Variants in PAXBP1 observed in about 807,000 individuals in gnomAD.
PAXBP1 encodes the protein PAX3 and PAX7 binding protein 1, also known as PAX3- and PAX7-binding protein 1.
PAXBP1 carries 44 observed loss-of-function variants against 119.9 expected under a neutral mutation model. The ratio of observed to expected loss-of-function variants is 0.37; its 90% CI spans 0.29 to 0.47. The LOEUF (loss-of-function observed/expected upper bound fraction) is 0.47. Ranked by LOEUF, PAXBP1 falls within the 20% of genes least tolerant of loss-of-function variation. The probability of loss-of-function intolerance (pLI) is 0.99; values close to 1 mark genes in which losing one functional copy is unlikely to be tolerated. For synonymous variants in PAXBP1, 393 were observed against 406.6 expected (o/e 0.97, Z 0.40); for missense variants, 898 against 1,134.1 (o/e 0.79, Z 2.99).
At chr21:32,740,253 T>TG (rs904007103) in intron 15 of PAXBP1, among the ~76,000 whole-genome samples, 21 of 152,264 alleles carry the variant, frequency 1.4e-4, no homozygotes, top group Non-Finnish European at 2.2e-4. Context: ...AAGTCCCCAA[T>TG]GGGGGGGCCT....
At chr21:32,750,846 T>A (rs1451991511) in intron 10 of PAXBP1, 71 bp downstream of exon 10, 1 of 1,137,574 alleles carries the variant, frequency 8.8e-7, no homozygotes, top group South Asian at 1.4e-5. Flanking sequence ...TTCAAATCAT[T>A]TCATGGTAAA....
chr21:32,763,482 C>T (rs1267827864), intron 3 of PAXBP1, among the ~76,000 whole-genome samples: 1 of 152,180 alleles, frequency 6.6e-6, no homozygotes, highest in East Asian at 1.9e-4. Context: ...CAGACTGCCA[C>T]TAGTGATGTA....
rs1268579207 is a variant in PAXBP1 at position 32,762,321 on chromosome 21, G to T, written c.650-4C>A. 1.4e-5 allele frequency: 23 copies of T among 1,611,726 alleles called. No individual in the cohort carries two copies. The highest frequency in any genetic ancestry group is 2.0e-5 in the Non-Finnish European group (23 of 1,178,646). On this transcript the variant is annotated splice_polypyrimidine_tract_variant and splice_region_variant and intron_variant, in intron 3 of 17. Transcript: ENST00000331923. Reference sequence around the variant, plus strand: ...AAAGCTGCATCTGGAATTTCTCCTAGAAACAAATGGTAAGAATATGGCAGT... The same window carrying T: ...AAAGCTGCATCTGGAATTTCTCCTATAAACAAATGGTAAGAATATGGCAGT...
chr21:32,759,801 A>G lies in PAXBP1; in HGVS notation c.1169T>C (p.Leu390Ser), dbSNP rs2044107168. ...SNEMTPVTID[L>S]VKKQLKDRLD... is the part of the protein sequence containing the mutation. ...CCTGTCTTTAAGCTGTTTCTTTACC[A>G]AATCAATAGTAACGGGAGTCATCTC... is the stretch of plus-strand genomic sequence containing the variant. Residue 390 changes from leucine (L) to serine (S), a missense_variant, in exon 6 of 18, where the codon TTG (leucine) becomes TCG (serine). By Grantham distance (145) the Leu-to-Ser change is moderately radical. Around this residue, in one of 2 missense-constraint regions of PAXBP1, gnomAD observed 599 missense variants for 852.7 expected, o/e 0.70. Coordinates refer to ENST00000331923, the MANE Select transcript of PAXBP1 (RefSeq NM_016631.4). 1 of 1,613,850 alleles carries G rather than the reference A, an allele frequency of 6.2e-7. No homozygotes were observed. Among genetic ancestry groups the G allele is most frequent in the African/African-American group, 1.3e-5 (1 of 74,926 alleles).
At chr21:32,760,814 T>C (rs886892912) in intron 5 of PAXBP1, among the ~76,000 whole-genome samples, 2 of 151,816 alleles carry the variant, frequency 1.3e-5, no homozygotes, top group Non-Finnish European at 2.9e-5. Flanking sequence ...ATCTAAGAAA[T>C]TGGAAATTCC....
chr21:32,756,777 T>G, intron 7 of PAXBP1: 1 of 164,942 alleles, frequency 6.1e-6, no homozygotes, highest in East Asian at 1.9e-4. Context: ...CCACCTAAGC[T>G]GGCATCATAC....
At position 32,755,231 on chromosome 21, in the gene PAXBP1, TG is replaced by T. The variant is rs1388607660; in HGVS notation, c.1505del (p.Ser502Ter). 1 of 1,611,744 alleles carries T rather than the reference TG, an allele frequency of 6.2e-7. No individual in the cohort carries two copies. Among genetic ancestry groups the T allele is most frequent in the Non-Finnish European group, 8.5e-7 (1 of 1,178,882 alleles). On this transcript the variant is annotated frameshift_variant and splice_region_variant, in exon 8 of 18. Coordinates refer to ENST00000331923, the MANE Select transcript of PAXBP1 (RefSeq NM_016631.4). LOFTEE classifies it high-confidence loss of function. ...TAAAAACCTTCAAGATGGACTGACT[TG>T]AATGGCTTGAAAACTCCGAAGATTC... is the stretch of plus-strand genomic sequence containing the variant. ...KDESSEFSSH[S>X]NKALMAPNLD...
At position 32,764,537 on chromosome 21, in the gene PAXBP1, A is replaced by G; in HGVS notation, c.473-13T>C. 1.0e-5 allele frequency: 16 copies of G among 1,559,964 alleles called. No individual in the cohort carries two copies. Among genetic ancestry groups the G allele is most frequent in the Non-Finnish European group, 1.4e-5 (16 of 1,150,636 alleles). The stretch of plus-strand genomic sequence containing the variant: ...AAAGGTTGTTCACCTAAATTTTTGA[A>G]GAATTAAAATATATGTAAAATAAAA... On this transcript the variant is annotated splice_polypyrimidine_tract_variant and intron_variant, in intron 2 of 17. Transcript: ENST00000331923.
intron 8 of PAXBP1, chr21:32,752,253 T>A (rs1780135013): frequency 6.6e-6 from 1 of 152,214 alleles, no homozygotes; most frequent in African/African-American, 2.4e-5. Flanking sequence ...TTGTTGGGGA[T>A]CCCCAGATTT....
Position 32,759,922 on chromosome 21 carries a change from A to G in PAXBP1, c.1048T>C (p.Ser350Pro). The change falls in exon 6 of 18, where the codon TCC becomes CCC. Residue 350 changes from serine (S) to proline (P), a missense_variant. Ser to Pro is a moderately conservative substitution (Grantham distance 74). This residue lies in a region of PAXBP1 where 599 missense variants were observed against 852.7 expected (regional missense o/e 0.70). Transcript: ENST00000331923. Reference protein sequence around the residue: ...NTYQTMPYGSSYGIPYSYTAY... With the variant: ...NTYQTMPYGSPYGIPYSYTAY... The stretch of plus-strand genomic sequence containing the variant: ...GTATAACTATAAGGAATGCCATAGG[A>G]TGAGCCGTAAGGCATTGTCTGGTAA... 6.2e-7 allele frequency: 1 copy of G among 1,614,024 alleles called. No individual in the cohort carries two copies. Among genetic ancestry groups the G allele is most frequent in the Non-Finnish European group, 8.5e-7 (1 of 1,179,862 alleles).
chr21:32,760,582 A>C (rs1348357028), intron 5 of PAXBP1, among the ~76,000 whole-genome samples: 1 of 152,232 alleles, frequency 6.6e-6, no homozygotes, highest in Non-Finnish European at 1.5e-5. Flanking sequence ...GTCCAAAAAA[A>C]TAAGCTACAC....
rs777193871 is a variant in PAXBP1 at position 32,771,333 on chromosome 21, C to T, written c.336G>A (p.Glu112=). 5 of 1,583,114 alleles carry T rather than the reference C, an allele frequency of 3.2e-6. No homozygotes were observed. The highest frequency in any genetic ancestry group is 3.4e-5 in the Admixed American group (2 of 59,242). The change falls in exon 1 of 18, where the codon GAG becomes GAA. Residue 112 remains glutamate (E), a synonymous_variant. Transcript: ENST00000331923. ...PRASLLSFQD[E]EEENEEVFKV... ...CCGAAGCGCGCACTTTACCTTCCTC[C>T]TCGTCCTGGAAGCTGAGCAGGCTGG...
At position 32,767,986 on chromosome 21, in the gene PAXBP1, C is replaced by T. The variant is rs184142060; in HGVS notation, c.472+1828G>A. 5.9e-5 allele frequency among the ~76,000 whole-genome samples: 9 copies of T among 152,304 alleles called. No individual in the cohort carries two copies. In the East Asian group the frequency reaches 1.5e-3, roughly 26 times the overall value. Reference sequence around the variant, plus strand: ...AATAACCAGTTCTCCTAAAAACATTCCTCCTTCCACTTGCCTTCTCTATTC... The same window carrying T: ...AATAACCAGTTCTCCTAAAAACATTTCTCCTTCCACTTGCCTTCTCTATTC... On this transcript the variant is annotated intron_variant, in intron 2 of 17. Coordinates refer to ENST00000331923, the MANE Select transcript of PAXBP1 (RefSeq NM_016631.4).
In PAXBP1 at chr21:32,737,319, T is replaced by C. The variant is rs147145324; in HGVS notation, c.2571A>G (p.Val857=). ...TTCTATAAATTGTATCCGCTAAGTG[T>C]ACAAGGTATCGGCAAAAGTTTTCTA... The part of the protein sequence containing the change: ...SQLENFCRYL[V]HLADTIYRNS... Residue 857 remains valine, a synonymous_variant, in exon 17 of 18, where the codon GTA becomes GTG. Transcript: ENST00000331923. The C allele has an allele frequency of 4.1e-5, 66 of 1,609,636 alleles. 1 individual carries two copies. In the South Asian group the frequency reaches 5.7e-4, roughly 14 times the overall value.
intron 10 of PAXBP1, 21 bp from the exon 11 acceptor site, chr21:32,748,719 C>T (rs2043912678): frequency 1.3e-6 from 2 of 1,599,518 alleles, no homozygotes; most frequent in African/African-American, 1.3e-5. Context: ...CAAAACCCCA[C>T]AGAGAACCAT....
At chr21:32,753,923 G>A (rs1405470435) in intron 8 of PAXBP1, among the ~76,000 whole-genome samples, 1 of 152,184 alleles carries the variant, frequency 6.6e-6, no homozygotes, top group East Asian at 1.9e-4. Flanking sequence ...TCCCTTTGTA[G>A]TATAATGGTT....
intron 12 of PAXBP1, among the ~76,000 whole-genome samples, chr21:32,745,122 G>A (rs2043853857): frequency 6.6e-6 from 1 of 152,178 alleles, no homozygotes; most frequent in South Asian, 2.1e-4. Context: ...GGTACTCAGG[G>A]AAAATAAAGA....
intron 2 of PAXBP1, 97 bp from the exon 3 acceptor site, chr21:32,764,621 T>G: frequency 1.1e-6 from 1 of 925,522 alleles, no homozygotes; most frequent in Non-Finnish European, 1.6e-6. Flanking sequence ...TTTTTTTAAT[T>G]AAAAAAAGGG....
At chr21:32,748,306 T>C (rs905325387) in intron 11 of PAXBP1, among the ~76,000 whole-genome samples, 193 bp downstream of exon 11, 1 of 152,124 alleles carries the variant, frequency 6.6e-6, no homozygotes, top group African/African-American at 2.4e-5. Context: ...AAAAAACACA[T>C]AGCTCTGCTG....
Sources: gnomAD v4.1 joint callset for allele counts (sites outside exome capture counted in the v4.1 genomes callset) on GRCh38, gnomAD v4.1.1 for gene constraint, gnomAD v4.1.1 regional missense constraint, MANE v1.5 for transcripts, NCBI Gene and HGNC (gene_info 2026-07-23, HGNC 2026-07-21) for gene names.